CCSER2: variants seen among roughly 807,000 people sequenced by gnomAD.
The protein encoded by CCSER2 is serine-rich coiled-coil domain-containing protein 2.
In CCSER2, 46 loss-of-function variants were observed where a neutral mutation model predicts 92.3. The ratio of observed to expected loss-of-function variants is 0.50; its 90% CI spans 0.39 to 0.64. CCSER2 has a LOEUF of 0.64. CCSER2 is among the 30% of genes least tolerant of loss of function. The probability of loss-of-function intolerance (pLI) is 0.00; values close to 1 mark genes in which losing one functional copy is unlikely to be tolerated. For synonymous variants in CCSER2, 433 were observed against 431.4 expected, an observed-to-expected ratio of 1.00 and a Z score of -0.04; for missense variants, 1,244 against 1,238.9, an observed-to-expected ratio of 1.00 and a Z score of -0.06.
intron 1 of CCSER2, among the ~76,000 whole-genome samples, chr10:84,341,670 TC>T (rs1269501902): frequency 6.6e-6 from 1 of 151,694 alleles, no homozygotes; most frequent in East Asian, 1.9e-4. Flanking sequence ...GATGGCGCCA[TC>T]CCCCCCACCA....
chr10:84,373,136 G>A (rs556901369), intron 2 of CCSER2, among the ~76,000 whole-genome samples: 14 of 152,088 alleles, frequency 9.2e-5, no homozygotes, highest in South Asian at 6.2e-4. Flanking sequence ...TATAATCAGG[G>A]GACTAGATCG....
At chr10:84,340,237 A>G (rs1844099069) in intron 1 of CCSER2, among the ~76,000 whole-genome samples, 1 of 152,128 alleles carries the variant, frequency 6.6e-6, no homozygotes, top group Non-Finnish European at 1.5e-5. Context: ...TCTGTCCTTC[A>G]TTATATTCTG....
chr10:84,468,627 G>T (rs1318318206), intron 7 of CCSER2, among the ~76,000 whole-genome samples: 2 of 152,196 alleles, frequency 1.3e-5, no homozygotes, highest in Non-Finnish European at 2.9e-5. Flanking sequence ...GTGTAACACA[G>T]TCCGAACCTA....
At chr10:84,472,699 G>A (rs1228153530) in intron 8 of CCSER2, among the ~76,000 whole-genome samples, 4 of 152,164 alleles carry the variant, frequency 2.6e-5, no homozygotes, top group Non-Finnish European at 5.9e-5. Context: ...ACTTTATATG[G>A]ACATATGATA....
intron 1 of CCSER2, among the ~76,000 whole-genome samples, chr10:84,346,862 G>C (rs1198387589): frequency 1.3e-5 from 2 of 151,870 alleles, no homozygotes; most frequent in African/African-American, 4.8e-5. Context: ...GACAATAGTG[G>C]AGGGAAGGTC....
chr10:84,333,503 A>G (rs1438684538), intron 1 of CCSER2, among the ~76,000 whole-genome samples: 1 of 152,228 alleles, frequency 6.6e-6, no homozygotes, highest in Non-Finnish European at 1.5e-5. Context: ...ATGCTATTTC[A>G]AAAGTATTAT....
chr10:84,442,394 G>C (rs983016272), intron 6 of CCSER2, among the ~76,000 whole-genome samples: 20 of 152,160 alleles, frequency 1.3e-4, no homozygotes, highest in Non-Finnish European at 2.5e-4. Context: ...TATTAGATGA[G>C]ATGGAAATTT....
chr10:84,371,670 C>T lies in CCSER2; in HGVS notation c.618C>T (p.Ser206=). The T allele has an allele frequency of 6.2e-7, 1 of 1,613,634 alleles. No individual in the cohort carries two copies. Among genetic ancestry groups the T allele is most frequent in the Non-Finnish European group, 8.5e-7 (1 of 1,179,768 alleles). Residue 206 remains serine (S), a synonymous_variant, in exon 2 of 10, where the codon TCC becomes TCT. Transcript: ENST00000372088. The part of the protein sequence containing the change: ...RSSSGESLAQ[S]PDSSKSINCE... ...GTTCTGGAGAAAGCTTAGCTCAATC[C>T]CCAGACAGTAGTAAATCTATTAATT...
chr10:84,466,736 A>C (rs1387155878), intron 7 of CCSER2, among the ~76,000 whole-genome samples: 1 of 148,940 alleles, frequency 6.7e-6, no homozygotes, highest in African/African-American at 2.5e-5. Flanking sequence ...GATTTTCTTG[A>C]TCTCCTGACC....
intron 1 of CCSER2, among the ~76,000 whole-genome samples, chr10:84,350,690 T>A (rs1844813509): frequency 1.3e-5 from 2 of 152,204 alleles, no homozygotes; most frequent in South Asian, 4.1e-4. Flanking sequence ...GTTTGAAAAG[T>A]TTTAGTTTTT....
intron 6 of CCSER2, among the ~76,000 whole-genome samples, chr10:84,448,622 A>G (rs185348529): frequency 3.5e-3 from 531 of 152,324 alleles, no homozygotes; most frequent in Non-Finnish European, 5.5e-3. Context: ...AACTGCACCC[A>G]TTTTAAGTGT....
chr10:84,370,394 A>G (rs1846000010), intron 1 of CCSER2, among the ~76,000 whole-genome samples: 1 of 151,824 alleles, frequency 6.6e-6, no homozygotes, highest in African/African-American at 2.4e-5. Flanking sequence ...TTTTGCAGCT[A>G]TGGTCAAAGG....
At chr10:84,474,220 G>A (rs1207722081) in intron 8 of CCSER2, among the ~76,000 whole-genome samples, 1 of 152,130 alleles carries the variant, frequency 6.6e-6, no homozygotes, top group African/African-American at 2.4e-5. Flanking sequence ...ATTAGACAGT[G>A]GAACTCAGGT....
At chr10:84,463,275 T>G (rs2133667446) in intron 6 of CCSER2, among the ~76,000 whole-genome samples, 1 of 152,316 alleles carries the variant, frequency 6.6e-6, no homozygotes, top group South Asian at 2.1e-4. Flanking sequence ...CAGCTCAAGC[T>G]TTTCATATGT....
intron 7 of CCSER2, 120 bp downstream of exon 7, chr10:84,464,136 A>C: frequency 1.8e-6 from 1 of 553,980 alleles, no homozygotes; most frequent in Non-Finnish European, 3.1e-6. Flanking sequence ...GTTTGTTCTT[A>C]ACTTTTGCTA....
intron 7 of CCSER2, among the ~76,000 whole-genome samples, chr10:84,467,606 C>G (rs2133693924): frequency 6.6e-6 from 1 of 152,204 alleles, no homozygotes; most frequent in South Asian, 2.1e-4. Flanking sequence ...CTGAAGAAAC[C>G]TCAAGATCTC....
intron 5 of CCSER2, among the ~76,000 whole-genome samples, chr10:84,428,964 A>T: frequency 7.3e-6 from 1 of 136,338 alleles, no homozygotes; most frequent in South Asian, 2.3e-4. Context: ...TTTGTTGAAG[A>T]TTTTTTTTGT....
At chr10:84,384,859 C>T (rs1841102089) in intron 3 of CCSER2, among the ~76,000 whole-genome samples, 1 of 152,124 alleles carries the variant, frequency 6.6e-6, no homozygotes, top group South Asian at 2.1e-4. Context: ...GCTTAGAAAA[C>T]CCTAAAGATT....
At position 84,518,262 on chromosome 10, in the gene CCSER2, A is replaced by G. The variant is rs1236049615; in HGVS notation, c.*3995A>G. The G allele has an allele frequency of 6.6e-6, 1 of 152,580 alleles. No individual in the cohort carries two copies. The highest frequency in any genetic ancestry group is 1.5e-5 in the Non-Finnish European group (1 of 68,038). The allele number at this position is 152,580 out of a possible 1,614,324, so 9.5% of individuals were successfully genotyped here. The stretch of plus-strand genomic sequence containing the variant: ...GATACATGTTTTAATCTTGTTGGGA[A>G]TAAGCTTACCCACTTTCTCCTTGGT... On this transcript the variant is annotated 3_prime_UTR_variant, in exon 10 of 10. Coordinates refer to ENST00000372088, the MANE Select transcript of CCSER2 (RefSeq NM_001284240.2).
Sources: gnomAD v4.1 joint callset for allele counts (sites outside exome capture counted in the v4.1 genomes callset) on GRCh38, gnomAD v4.1.1 for gene constraint, MANE v1.5 for transcripts, NCBI Gene and HGNC (gene_info 2026-07-23, HGNC 2026-07-21) for gene names.